Variants in CSMD1 observed in about 807,000 individuals in gnomAD.
CSMD1 encodes CUB and Sushi multiple domains 1, also known as CUB and sushi domain-containing protein 1.
Under a neutral mutation model 417.5 loss-of-function variants are expected in CSMD1, and 213 were observed. The observed-to-expected ratio is 0.51, with a 90% CI of 0.46 to 0.57. The LOEUF (loss-of-function observed/expected upper bound fraction) is 0.57. Ranked by LOEUF, CSMD1 falls within the 20% of genes least tolerant of loss-of-function variation. The pLI is 0.00. For missense variants in CSMD1, 6,923 were observed against 4,529.7 expected, an observed-to-expected ratio of 1.53 and a Z score of -15.17; for synonymous variants, 2,862 against 1,736.8, an observed-to-expected ratio of 1.65 and a Z score of -16.11.
chr8:3,818,132 G>C (rs939246890), intron 5 of CSMD1, among the ~76,000 whole-genome samples: 1 of 152,102 alleles, frequency 6.6e-6, no homozygotes, highest in Non-Finnish European at 1.5e-5. Context: ...CCCAAAGAGA[G>C]TTTCAGCTAA....
chr8:3,103,662 G>A (rs1193439540), intron 46 of CSMD1, among the ~76,000 whole-genome samples: 2 of 151,688 alleles, frequency 1.3e-5, no homozygotes, highest in Non-Finnish European at 2.9e-5. Context: ...ATTATTCTCT[G>A]CTCTTGGCTT....
intron 50 of CSMD1, among the ~76,000 whole-genome samples, chr8:3,034,412 C>T (rs973113998): frequency 6.6e-6 from 1 of 152,182 alleles, no homozygotes; most frequent in South Asian, 2.1e-4. Context: ...AAACTGAAAG[C>T]TGAGAGGACT....
intron 1 of CSMD1, among the ~76,000 whole-genome samples, chr8:4,943,947 G>C (rs1358266542): frequency 6.6e-6 from 1 of 152,150 alleles, no homozygotes; most frequent in Non-Finnish European, 1.5e-5. Context: ...TGGAAAGACA[G>C]AAAATGTATT....
chr8:4,398,786 C>G (rs942788193), intron 3 of CSMD1, among the ~76,000 whole-genome samples: 7 of 152,194 alleles, frequency 4.6e-5, no homozygotes, highest in African/African-American at 1.7e-4. Flanking sequence ...CAGCACTGTT[C>G]TTTCACCTAT....
intron 16 of CSMD1, among the ~76,000 whole-genome samples, chr8:3,397,203 G>C (rs1811757979): frequency 6.6e-6 from 1 of 152,128 alleles, no homozygotes; most frequent in Admixed American, 6.5e-5. Flanking sequence ...TTGGCTCTCA[G>C]GGAGCAGCTT....
intron 3 of CSMD1, among the ~76,000 whole-genome samples, chr8:4,161,472 G>A (rs1193499456): frequency 3.3e-5 from 5 of 152,172 alleles, no homozygotes; most frequent in East Asian, 1.9e-4. Context: ...GCTTACTCAA[G>A]GTCATGCTGC....
chr8:4,682,498 C>T (rs1243831065), intron 1 of CSMD1, among the ~76,000 whole-genome samples: 4 of 151,288 alleles, frequency 2.6e-5, no homozygotes, highest in Non-Finnish European at 5.9e-5. Flanking sequence ...ATGAAAGATA[C>T]AGGAAAAAGA....
At chr8:4,062,049 T>C (rs1477739387) in intron 3 of CSMD1, among the ~76,000 whole-genome samples, 3 of 151,870 alleles carry the variant, frequency 2.0e-5, no homozygotes, top group Non-Finnish European at 4.4e-5. Flanking sequence ...AAATGCAGAG[T>C]GCCAGCTGCC....
chr8:4,888,221 G>T (rs937500107), intron 1 of CSMD1, among the ~76,000 whole-genome samples: 24 of 151,890 alleles, frequency 1.6e-4, no homozygotes, highest in African/African-American at 5.8e-4. Context: ...AGAAAAAATA[G>T]AAAGAAAATA....
rs112249442 is a variant in CSMD1, at chr8:3,778,477, G to C, written c.819-24435C>G. 5.0e-3 allele frequency among the ~76,000 whole-genome samples: 754 copies of C among 152,316 alleles called. 5 individuals are homozygous for C. The highest frequency in any genetic ancestry group is 0.017 in the African/African-American group (710 of 41,570). ...GTGCCCTCGCCTTACAAGGGTTCCT[G>C]TCTTACGGTAGTCCCATTGCCCCCA... is the stretch of plus-strand genomic sequence containing the variant. On this transcript the variant is annotated intron_variant, in intron 5 of 69. Transcript: ENST00000635120.
chr8:4,154,752 C>T lies in CSMD1; in HGVS notation c.416-122653G>A, dbSNP rs117156251. Among the ~76,000 whole-genome samples, 422 of 152,090 alleles carry T rather than the reference C, an allele frequency of 2.8e-3. 7 individuals are homozygous for T. Among genetic ancestry groups the T allele is most frequent in the East Asian group, 0.022 (113 of 5,180 alleles). ...TACCTTATGCAAGTAAGGCTAATAT[C>T]CCCGTAAGATATGAATATCACTGAT... is the stretch of plus-strand genomic sequence containing the variant. On this transcript the variant is annotated intron_variant, in intron 3 of 69. Coordinates refer to ENST00000635120, the MANE Select transcript of CSMD1 (RefSeq NM_033225.6).
chr8:4,972,277 TCACCAC>T (rs1339291200), intron 1 of CSMD1, among the ~76,000 whole-genome samples: 3,352 of 152,104 alleles, frequency 0.022, 141 homozygotes, highest in African/African-American at 0.077. Flanking sequence ...TTTTGCTCTG[TCACCAC>T]CAAAAATTTC....
At chr8:2,969,896 C>G (rs1804294612) in intron 57 of CSMD1, among the ~76,000 whole-genome samples, 1 of 152,076 alleles carries the variant, frequency 6.6e-6, no homozygotes. Flanking sequence ...TGGGCTTATT[C>G]AGCTTCCCAT....
At chr8:4,743,958 T>A (rs1810788829) in intron 1 of CSMD1, among the ~76,000 whole-genome samples, 1 of 152,212 alleles carries the variant, frequency 6.6e-6, no homozygotes, top group Non-Finnish European at 1.5e-5. Flanking sequence ...CCAGAGTGAT[T>A]CCATGAGATG....
intron 17 of CSMD1, among the ~76,000 whole-genome samples, chr8:3,395,858 C>T (rs2116852355): frequency 6.6e-6 from 1 of 152,178 alleles, no homozygotes; most frequent in South Asian, 2.1e-4. Context: ...GTAATATATC[C>T]TATAAGACTT....
chr8:3,782,861 C>T (rs1799255803), intron 5 of CSMD1, among the ~76,000 whole-genome samples: 1 of 152,018 alleles, frequency 6.6e-6, no homozygotes, highest in African/African-American at 2.4e-5. Flanking sequence ...CCCTAGCTCG[C>T]CTGGGAATAC....
chr8:4,463,171 G>A (rs183707646), intron 2 of CSMD1, among the ~76,000 whole-genome samples: 1 of 152,238 alleles, frequency 6.6e-6, no homozygotes, highest in East Asian at 1.9e-4. Flanking sequence ...AAATGGCCAA[G>A]AAGCCCGTAT....
intron 6 of CSMD1, among the ~76,000 whole-genome samples, chr8:3,713,827 G>C (rs761106751): frequency 1.0e-3 from 158 of 152,296 alleles, no homozygotes; most frequent in Admixed American, 3.1e-3. Context: ...AGAATTCAGA[G>C]TTTGGGAGAA....
At chr8:4,014,994 G>C (rs951221474) in intron 4 of CSMD1, among the ~76,000 whole-genome samples, 3 of 152,180 alleles carry the variant, frequency 2.0e-5, no homozygotes, top group African/African-American at 7.2e-5. Context: ...CAGCAAATAT[G>C]CAAACCACGT....
Sources: allele counts gnomAD v4.1 joint callset (sites outside exome capture counted in the v4.1 genomes callset), GRCh38; gene constraint gnomAD v4.1.1; transcripts MANE v1.5; gene names NCBI Gene and HGNC (gene_info 2026-07-23, HGNC 2026-07-21).